XPO4: variants seen among roughly 807,000 people sequenced by gnomAD.
XPO4 encodes exportin 4.
XPO4 carries 39 observed loss-of-function variants against 143.0 expected under a neutral mutation model. The observed-to-expected ratio is 0.27, with a 90% CI of 0.21 to 0.36. XPO4 has a LOEUF of 0.36. XPO4 is among the 10% of genes least tolerant of loss of function. The pLI is 1.00. For missense variants in XPO4, 907 were observed against 1,348.0 expected, an observed-to-expected ratio of 0.67 and a Z score of 5.12; for synonymous variants, 439 against 474.0, an observed-to-expected ratio of 0.93 and a Z score of 0.96.
intron 4 of XPO4, among the ~76,000 whole-genome samples, chr13:20,850,589 C>G (rs1332710077): frequency 2.0e-5 from 3 of 152,068 alleles, no homozygotes; most frequent in African/African-American, 4.8e-5. Flanking sequence ...CATAGTGAGA[C>G]CCCATCTTTA....
At chr13:20,851,024 AAATC>A in intron 4 of XPO4, 1 of 985,340 alleles carries the variant, frequency 1.0e-6, no homozygotes, top group Non-Finnish European at 1.2e-6. Context: ...AGCCAATACT[AAATC>A]AATGTTCTGA....
In XPO4 at chr13:20,876,817, G is replaced by A. The variant is rs899906518; in HGVS notation, c.70-8116C>T. On this transcript the variant is annotated intron_variant, in intron 1 of 22. Transcript: ENST00000255305. ...GTGTTCCAGCTCTTAAAGGTGGTGC[G>A]AACCCAAAGAGTGAGCAGCAGCAAG... Among the ~76,000 whole-genome samples, 13 of 152,114 alleles carry A rather than the reference G, an allele frequency of 8.5e-5. No homozygotes were observed. In the East Asian group the frequency reaches 1.5e-3, roughly 18 times the overall value.
chr13:20,893,939 G>T (rs952358732), intron 1 of XPO4, among the ~76,000 whole-genome samples: 1 of 152,138 alleles, frequency 6.6e-6, no homozygotes, highest in African/African-American at 2.4e-5. Flanking sequence ...CGCCTCCCGG[G>T]TTCAAGTGAT....
rs1368473596 is a variant in XPO4, at chr13:20,849,623, C to T, written c.457-5737G>A. 3.0e-6 allele frequency: 3 copies of T among 985,140 alleles called. No individual in the cohort carries two copies. The African/African-American group carries it at 5.2e-5, about 17-fold the overall frequency. The allele number at this position is 985,140 out of a possible 1,614,324, so 61.0% of individuals were successfully genotyped here. A position where few individuals can be genotyped will look rare whatever the true frequency, so the allele number is the denominator to read the frequency against. On this transcript the variant is annotated intron_variant, in intron 4 of 22. Coordinates refer to ENST00000255305, the MANE Select transcript of XPO4 (RefSeq NM_022459.5). ...TAATTATGGAAGGAAAACATCATAA[C>T]TGCCCACAAGCTTGAAATAACATTA... is the stretch of plus-strand genomic sequence containing the variant.
intron 1 of XPO4, among the ~76,000 whole-genome samples, chr13:20,890,835 C>T (rs959148241): frequency 1.4e-5 from 2 of 146,442 alleles, no homozygotes; most frequent in African/African-American, 5.1e-5. Context: ...AGGCTGTGAG[C>T]ATTGGCTCAT....
At chr13:20,875,409 T>C (rs1481295486) in intron 1 of XPO4, among the ~76,000 whole-genome samples, 1 of 152,218 alleles carries the variant, frequency 6.6e-6, no homozygotes, top group African/African-American at 2.4e-5. Context: ...CTAGCAAAGC[T>C]ACCCTTTCAA....
intron 4 of XPO4, chr13:20,852,818 A>G (rs2060102984): frequency 1.0e-6 from 1 of 984,964 alleles, no homozygotes. Flanking sequence ...GATATCCATT[A>G]TTCTTGCTAT....
intron 6 of XPO4, among the ~76,000 whole-genome samples, chr13:20,831,590 A>C (rs563108849): frequency 4.6e-5 from 7 of 152,308 alleles, no homozygotes; most frequent in Non-Finnish European, 8.8e-5. Flanking sequence ...TTTCTAAAAT[A>C]AATACTGAAT....
At chr13:20,794,314 T>A (rs907829241) in intron 18 of XPO4, among the ~76,000 whole-genome samples, 22 of 150,854 alleles carry the variant, frequency 1.5e-4, no homozygotes, top group African/African-American at 5.3e-4. Flanking sequence ...GGGGCCTGAG[T>A]GGGGGCATAG....
At chr13:20,840,892 C>G (rs761972526) in intron 6 of XPO4, among the ~76,000 whole-genome samples, 3 of 152,186 alleles carry the variant, frequency 2.0e-5, no homozygotes, top group Admixed American at 6.5e-5. Context: ...CCAAGATATA[C>G]TTTCTTTAAA....
intron 1 of XPO4, among the ~76,000 whole-genome samples, chr13:20,881,107 T>C (rs568729205): frequency 5.3e-4 from 80 of 152,166 alleles, no homozygotes; most frequent in Non-Finnish European, 9.3e-4. Flanking sequence ...GTCAAATTCA[T>C]AGAAAGTGGA....
At position 20,803,923 on chromosome 13, in the gene XPO4, C is replaced by T. The variant is rs940965804; in HGVS notation, c.1818-2933G>A. ...CTCTAGATGTTTACAGTTAAGGGAACAAATTAATAAGATTTACTAAACAGA... is the reference window on the plus strand; with the variant it reads ...CTCTAGATGTTTACAGTTAAGGGAATAAATTAATAAGATTTACTAAACAGA... On this transcript the variant is annotated intron_variant, in intron 13 of 22. Coordinates refer to ENST00000255305, the MANE Select transcript of XPO4 (RefSeq NM_022459.5). This position sits in a 1 kb window ranked among gnomAD's most constrained non-coding sequence, Gnocchi z 4.1. Among the ~76,000 whole-genome samples, 3 of 152,064 alleles carry T rather than the reference C, an allele frequency of 2.0e-5. No individual in the cohort carries two copies. Among genetic ancestry groups the T allele is most frequent in the Non-Finnish European group, 4.4e-5 (3 of 68,022 alleles).
intron 1 of XPO4, among the ~76,000 whole-genome samples, chr13:20,889,475 G>C (rs1221387966): frequency 6.6e-6 from 1 of 152,126 alleles, no homozygotes; most frequent in East Asian, 1.9e-4. Context: ...GCCACAACTG[G>C]GGAGCACTAA....
At chr13:20,800,366 ATC>A in intron 14 of XPO4, 41 bp from the exon 15 acceptor site, 1 of 1,567,366 alleles carries the variant, frequency 6.4e-7, no homozygotes, top group Admixed American at 1.9e-5. Context: ...AGCAAGAAAG[ATC>A]AACTCAAGAA....
chr13:20,897,264 C>T (rs907400774), intron 1 of XPO4, among the ~76,000 whole-genome samples: 5 of 152,100 alleles, frequency 3.3e-5, no homozygotes, highest in Non-Finnish European at 5.9e-5. Context: ...GTGTACCTTA[C>T]ACATTGAAGG....
intron 1 of XPO4, among the ~76,000 whole-genome samples, chr13:20,882,204 T>C (rs1045159277): frequency 1.1e-4 from 17 of 150,792 alleles, no homozygotes; most frequent in South Asian, 2.1e-4. Context: ...GGCACAAACA[T>C]GAAGCATGAT....
rs2059544410 is a variant in XPO4 at position 20,809,198 on chromosome 13, C to T, written c.1378G>A (p.Glu460Lys). ...LTANGVASRE[E>K]EEISELQEDD... ...TCTTGAAGTTCACTTATTTCTTCCT[C>T]CTCACGAGAGGCCACACCATTGGCA... Residue 460 changes from glutamate to lysine, a missense_variant, in exon 11 of 23, where the codon GAG becomes AAG. Coordinates refer to ENST00000255305, the MANE Select transcript of XPO4 (RefSeq NM_022459.5). The T allele has an allele frequency of 6.2e-7, 1 of 1,614,024 alleles. No homozygotes were observed. Among genetic ancestry groups the T allele is most frequent in the Non-Finnish European group, 8.5e-7 (1 of 1,179,966 alleles).
Position 20,783,395 on chromosome 13 carries a change from T to C in XPO4, c.*327A>G, listed in dbSNP as rs1184319780. 2 of 282,374 alleles carry C rather than the reference T, an allele frequency of 7.1e-6. No individual in the cohort carries two copies. Among genetic ancestry groups the C allele is most frequent in the African/African-American group, 2.2e-5 (1 of 45,362 alleles). The allele number at this position is 282,374 out of a possible 1,614,324, so 17.5% of individuals were successfully genotyped here. On this transcript the variant is annotated 3_prime_UTR_variant, in exon 23 of 23. Coordinates refer to ENST00000255305, the MANE Select transcript of XPO4 (RefSeq NM_022459.5). ...ATTCTAAACTTTGGCTAGCCACCTA[T>C]GTTAAAAGGAAAAAAGGCACTGCAT...
At chr13:20,896,045 C>T (rs34265762) in intron 1 of XPO4, among the ~76,000 whole-genome samples, 8,867 of 152,136 alleles carry the variant, frequency 0.058, 659 homozygotes, top group African/African-American at 0.17. Context: ...GCTCTTGTAT[C>T]GAAAACTTGT....
Sources: gnomAD v4.1 joint callset for allele counts (sites outside exome capture counted in the v4.1 genomes callset) on GRCh38, gnomAD v4.1.1 for gene constraint, Gnocchi (gnomAD v3.1) non-coding constraint, MANE v1.5 for transcripts, NCBI Gene and HGNC (gene_info 2026-07-23, HGNC 2026-07-21) for gene names.